TLCD4: variants seen among roughly 807,000 people sequenced by gnomAD.
TLCD4 encodes the protein TLC domain-containing protein 4.
TLCD4 carries 7 observed loss-of-function variants against 24.2 expected under a neutral mutation model. The ratio of observed to expected loss-of-function variants is 0.29; its 90% confidence interval spans 0.16 to 0.54. TLCD4 has a LOEUF of 0.54. Among genes scored for constraint, TLCD4 ranks in the 20% least tolerant of loss-of-function variants. The probability of loss-of-function intolerance (pLI) is 0.95; values close to 1 mark genes in which losing one functional copy is unlikely to be tolerated. For synonymous variants in TLCD4, 103 were observed against 106.4 expected (o/e 0.97, Z 0.20); for missense variants, 259 against 313.9 (o/e 0.82, Z 1.32).
At chr1:95,124,096 T>C (rs1295586174) in intron 1 of TLCD4, among the ~76,000 whole-genome samples, 2 of 152,248 alleles carry the variant, frequency 1.3e-5, no homozygotes, top group Non-Finnish European at 2.9e-5. Flanking sequence ...GGCATGCACA[T>C]TGACTATAGT....
intron 6 of TLCD4, among the ~76,000 whole-genome samples, chr1:95,177,935 C>CTT (rs200257933): frequency 1.0e-4 from 13 of 130,330 alleles, no homozygotes; most frequent in Middle Eastern, 4.1e-3. Context: ...TTTTTCTTTT[C>CTT]TTTTTTTTTT....
chr1:95,160,760 CAT>C (rs1677768887), intron 5 of TLCD4, among the ~76,000 whole-genome samples: 1 of 152,186 alleles, frequency 6.6e-6, no homozygotes, highest in East Asian at 1.9e-4. Flanking sequence ...TTGAGATAAT[CAT>C]GTGGTTTTCG....
intron 1 of TLCD4, chr1:95,138,202 A>G (rs1041920089): frequency 1.2e-4 from 19 of 152,108 alleles, no homozygotes; most frequent in African/African-American, 4.6e-4. Context: ...TACACTTACC[A>G]CTTTGTGTGG....
At position 95,148,784 on chromosome 1, in the gene TLCD4, C is replaced by G. The variant is rs766557444; in HGVS notation, c.238C>G (p.Pro80Ala). 8 of 1,613,080 alleles carry G rather than the reference C, an allele frequency of 5.0e-6. No homozygotes were observed. The highest frequency in any genetic ancestry group is 6.8e-6 in the Non-Finnish European group (8 of 1,179,576). ...FLFDEATKAD[P>A]LWGGPSLANV... ...ATTCGATGAGGCTACTAAAGCTGAT[C>G]CACTTTGGTAAGCTGTTTCTTTTTC... Residue 80 changes from proline to alanine, a missense_variant, in exon 3 of 7, where the codon CCA becomes GCA. Coordinates refer to ENST00000370203, the MANE Select transcript of TLCD4 (RefSeq NM_152487.3).
intron 6 of TLCD4, among the ~76,000 whole-genome samples, chr1:95,175,037 A>T (rs570953832): frequency 5.3e-5 from 8 of 152,172 alleles, no homozygotes; most frequent in Non-Finnish European, 1.0e-4. Context: ...TGGCCTCCTG[A>T]AGTGCTGGGG....
At chr1:95,146,989 T>A (rs776189199) in intron 2 of TLCD4, among the ~76,000 whole-genome samples, 3 of 151,980 alleles carry the variant, frequency 2.0e-5, no homozygotes, top group South Asian at 4.1e-4. Flanking sequence ...TATATATTTT[T>A]AAATTTTATA....
chr1:95,131,160 G>A (rs1436722211), intron 1 of TLCD4, among the ~76,000 whole-genome samples: 1 of 152,198 alleles, frequency 6.6e-6, no homozygotes, highest in African/African-American at 2.4e-5. Context: ...CCCTTATGGG[G>A]CATACATTCC....
At chr1:95,123,894 A>G (rs1156340376) in intron 1 of TLCD4, among the ~76,000 whole-genome samples, 1 of 152,222 alleles carries the variant, frequency 6.6e-6, no homozygotes, top group South Asian at 2.1e-4. Context: ...AGGGTAAAAG[A>G]CCAATTCATT....
the TLCD4 span, among the ~76,000 whole-genome samples, chr1:95,110,458 A>C: frequency 6.6e-6 from 1 of 152,126 alleles, no homozygotes; most frequent in East Asian, 1.9e-4. Flanking sequence ...TCCAACAATA[A>C]GGGATTGGTT....
At chr1:95,170,290 G>C (rs1438104500) in intron 5 of TLCD4, among the ~76,000 whole-genome samples, 1 of 150,158 alleles carries the variant, frequency 6.7e-6, no homozygotes, top group Non-Finnish European at 1.5e-5. Context: ...TTACATACAT[G>C]AATCTGTCTT....
At chr1:95,124,302 C>A (rs1242229849) in intron 1 of TLCD4, among the ~76,000 whole-genome samples, 2 of 152,188 alleles carry the variant, frequency 1.3e-5, no homozygotes, top group Admixed American at 6.5e-5. Context: ...AGCTTTCCAG[C>A]AGCAAAGAGA....
At chr1:95,124,153 G>C (rs1676648769) in intron 1 of TLCD4, among the ~76,000 whole-genome samples, 2 of 152,244 alleles carry the variant, frequency 1.3e-5, no homozygotes, top group Middle Eastern at 3.4e-3. Flanking sequence ...CAGGATTTGG[G>C]ATTTTTTACA....
At chr1:95,098,738 G>A in the TLCD4 span, among the ~76,000 whole-genome samples, 8 of 152,154 alleles carry the variant, frequency 5.3e-5, no homozygotes, top group Non-Finnish European at 1.2e-4. Flanking sequence ...TCTTGGGAAA[G>A]TTGCTAGGCT....
chr1:95,134,150 G>A (rs1676981293), intron 1 of TLCD4, among the ~76,000 whole-genome samples: 1 of 152,120 alleles, frequency 6.6e-6, no homozygotes, highest in African/African-American at 2.4e-5. Context: ...GGGTGGGTAA[G>A]GTGGCATGGA....
chr1:95,184,298 T>C (rs902437967), intron 6 of TLCD4, among the ~76,000 whole-genome samples: 1 of 152,106 alleles, frequency 6.6e-6, no homozygotes. Context: ...CCTCTAAAAC[T>C]CAACAAACCA....
chr1:95,159,782 T>C (rs1188439313), intron 5 of TLCD4, among the ~76,000 whole-genome samples: 1 of 152,232 alleles, frequency 6.6e-6, no homozygotes, highest in African/African-American at 2.4e-5. Flanking sequence ...CCATTTCTTG[T>C]TTTTGTCAGG....
upstream of TLCD4, among the ~76,000 whole-genome samples, chr1:95,113,985 A>G (rs530033858): frequency 1.9e-4 from 29 of 152,322 alleles, no homozygotes; most frequent in South Asian, 5.0e-3. Context: ...CCCACCCAGA[A>G]ATAACCACTG....
chr1:95,160,825 A>T (rs1677771443), intron 5 of TLCD4, among the ~76,000 whole-genome samples: 1 of 152,168 alleles, frequency 6.6e-6, no homozygotes, highest in Non-Finnish European at 1.5e-5. Flanking sequence ...CGTATGTTGA[A>T]CCAGCCTTGT....
intron 6 of TLCD4, among the ~76,000 whole-genome samples, chr1:95,178,597 C>T (rs531874921): frequency 3.4e-5 from 4 of 117,016 alleles, no homozygotes; most frequent in African/African-American, 1.4e-4. Context: ...GAGACAGTCT[C>T]ACTAATATTC....
Sources: gnomAD v4.1 joint callset for allele counts (sites outside exome capture counted in the v4.1 genomes callset) on GRCh38, gnomAD v4.1.1 for gene constraint, MANE v1.5 for transcripts, NCBI Gene and HGNC (gene_info 2026-07-23, HGNC 2026-07-21) for gene names.